The following LIPH variants were observed in gnomAD, a reference collection of about 807,000 sequenced individuals.
LIPH encodes the protein lipase H.
In LIPH, 32 loss-of-function variants were observed where a neutral mutation model predicts 47.6. The ratio of observed to expected loss-of-function variants is 0.67; its 90% CI spans 0.51 to 0.90. The LOEUF is 0.90. Ranked by LOEUF, LIPH falls within the 40% of genes least tolerant of loss-of-function variation. LIPH has a pLI of 0.00. For synonymous variants in LIPH, 190 were observed against 195.6 expected, an observed-to-expected ratio of 0.97 and a Z score of 0.24; for missense variants, 497 against 541.4, an observed-to-expected ratio of 0.92 and a Z score of 0.81.
At position 185,506,803 on chromosome 3, in the gene LIPH, G is replaced by C. The variant is rs1719389388; in HGVS notation, c.*1987C>G. On this transcript the variant is annotated 3_prime_UTR_variant, in exon 10 of 10. Coordinates refer to ENST00000296252, the MANE Select transcript of LIPH (RefSeq NM_139248.3). The stretch of plus-strand genomic sequence containing the variant: ...GCCAAGATCGTGCCACTGCACTCCA[G>C]CCTGGGTAACAGAAGGAGACTCCAT... The C allele has an allele frequency of 8.3e-6, 1 of 121,016 alleles. No homozygotes were observed. The highest frequency in any genetic ancestry group is 1.6e-5 in the Non-Finnish European group (1 of 62,990). The allele number at this position is 121,016 out of a possible 1,614,324, so 7.5% of individuals were successfully genotyped here.
Position 185,515,307 on chromosome 3 carries a change from T to TAA in LIPH, c.983-788_983-787dup, listed in dbSNP as rs1553820561. Among the ~76,000 whole-genome samples, 20 of 145,952 alleles carry TAA rather than the reference T, an allele frequency of 1.4e-4. 1 individual carries two copies. The highest frequency in any genetic ancestry group is 6.5e-4 in the South Asian group (3 of 4,644). On this transcript the variant is annotated intron_variant, in intron 7 of 9. Coordinates refer to ENST00000296252, the MANE Select transcript of LIPH (RefSeq NM_139248.3). ...CTGAATAATGTCTTATGGGTTTTTTTAAAAAAAAAAAAGATAAAATTAAAA... is the reference window on the plus strand; with the variant it reads ...CTGAATAATGTCTTATGGGTTTTTTTAAAAAAAAAAAAAAGATAAAATTAAAA...
At chr3:185,511,145 A>G (rs1198548812) in intron 9 of LIPH, among the ~76,000 whole-genome samples, 1 of 151,634 alleles carries the variant, frequency 6.6e-6, no homozygotes, top group African/African-American at 2.4e-5. Flanking sequence ...TGATCCTCTC[A>G]CCTCAGCCTC....
chr3:185,519,069 T>C, intron 6 of LIPH, 73 bp downstream of exon 6: 2 of 1,292,662 alleles, frequency 1.5e-6, no homozygotes, highest in Non-Finnish European at 1.1e-6. Context: ...TTTTACATGA[T>C]AAAGTGGTTC....
At chr3:185,529,921 A>G (rs1308458677) in intron 3 of LIPH, among the ~76,000 whole-genome samples, 7 of 42,984 alleles carry the variant, frequency 1.6e-4, no homozygotes, top group Non-Finnish European at 3.9e-4. Flanking sequence ...AAAGAAAGAA[A>G]GAAAGAAAGA....
chr3:185,529,124 C>T (rs975938144), intron 3 of LIPH, among the ~76,000 whole-genome samples: 1 of 129,354 alleles, frequency 7.7e-6, no homozygotes, highest in African/African-American at 2.9e-5. Flanking sequence ...TTGCAGTGAG[C>T]CAAGATCGTG....
intron 5 of LIPH, among the ~76,000 whole-genome samples, chr3:185,521,512 A>G (rs1176456603): frequency 6.6e-6 from 1 of 152,224 alleles, no homozygotes; most frequent in Non-Finnish European, 1.5e-5. Context: ...ACAACTGCCA[A>G]AAACTCAAGA....
In LIPH at chr3:185,508,647, G is replaced by T; in HGVS notation, c.*143C>A. On this transcript the variant is annotated 3_prime_UTR_variant, in exon 10 of 10. Coordinates refer to ENST00000296252, the MANE Select transcript of LIPH (RefSeq NM_139248.3). ...ATCACAAGGTTGTTTGATGTACAAT[G>T]TGACATCCATAGGACGCTACTGAAA... 1.4e-6 allele frequency: 1 copy of T among 692,964 alleles called. No individual in the cohort carries two copies. 42.9% of individuals were successfully genotyped at this position (692,964 alleles called of 1,614,324 possible). A position where few individuals can be genotyped will look rare whatever the true frequency, so the allele number is the denominator to read the frequency against.
chr3:185,552,283 G>A (rs1721072851), intron 1 of LIPH, 140 bp downstream of exon 1: 2 of 573,088 alleles, frequency 3.5e-6, no homozygotes, highest in Non-Finnish European at 6.3e-6. Flanking sequence ...AAATGATACA[G>A]GCTTCCTATA....
rs763603519 is a variant in LIPH, at chr3:185,535,152, G to T, written c.50-20C>A. On this transcript the variant is annotated intron_variant, in intron 1 of 9. Transcript: ENST00000296252. ...CTGCGTCTGAAAATAAAAATTAGAT[G>T]GCATCACGACAGGTCTTTCCTTAGC... 19 of 1,612,782 alleles carry T rather than the reference G, an allele frequency of 1.2e-5. No individual in the cohort carries two copies. In the South Asian group the frequency reaches 2.0e-4, roughly 17 times the overall value.
At chr3:185,530,859 C>A (rs1485111294) in intron 3 of LIPH, among the ~76,000 whole-genome samples, 1 of 151,876 alleles carries the variant, frequency 6.6e-6, no homozygotes, top group Non-Finnish European at 1.5e-5. Flanking sequence ...CAAAGTAAGA[C>A]CCTGTCTCAA....
At chr3:185,537,531 A>T (rs572652733) in intron 1 of LIPH, among the ~76,000 whole-genome samples, 1 of 152,140 alleles carries the variant, frequency 6.6e-6, no homozygotes, top group East Asian at 1.9e-4. Context: ...TGTAGAGCAA[A>T]ACCCAGAGCA....
Position 185,517,055 on chromosome 3 carries a change from T to G in LIPH, c.982+12A>C, listed in dbSNP as rs756505201. The G allele has an allele frequency of 6.4e-7, 1 of 1,572,194 alleles. No individual in the cohort carries two copies. The highest frequency in any genetic ancestry group is 8.8e-7 in the Non-Finnish European group (1 of 1,142,000). ...AGTTAGGCAAAAGCCAACAACCACATTCACCACTCACTGCAGAATGGGCTC... is the reference window on the plus strand; with the variant it reads ...AGTTAGGCAAAAGCCAACAACCACAGTCACCACTCACTGCAGAATGGGCTC... On this transcript the variant is annotated intron_variant, in intron 7 of 9. Coordinates refer to ENST00000296252, the MANE Select transcript of LIPH (RefSeq NM_139248.3).
At chr3:185,539,116 G>A (rs1976858) in intron 1 of LIPH, among the ~76,000 whole-genome samples, 27,689 of 151,462 alleles carry the variant, frequency 0.18, 2,882 homozygotes, top group East Asian at 0.43. Flanking sequence ...CTACAGGCGC[G>A]TGCCATCATG....
chr3:185,542,922 C>G (rs1472146236), intron 1 of LIPH, among the ~76,000 whole-genome samples: 2 of 151,712 alleles, frequency 1.3e-5, no homozygotes, highest in Non-Finnish European at 2.9e-5. Context: ...AATAATATAT[C>G]TAGGGCTGGG....
At position 185,541,726 on chromosome 3, in the gene LIPH, G is replaced by T. The variant is rs1301921842; in HGVS notation, c.50-6594C>A. The stretch of plus-strand genomic sequence containing the variant: ...AGCCATATTTGTGGATTTCTTCTTG[G>T]TTTTTGGTGTTTTATTTATTTATTT... On this transcript the variant is annotated intron_variant, in intron 1 of 9. Transcript: ENST00000296252. Among the ~76,000 whole-genome samples, 4 of 148,666 alleles carry T rather than the reference G, an allele frequency of 2.7e-5. No individual in the cohort carries two copies. The East Asian group carries it at 7.9e-4, about 29-fold the overall frequency.
At chr3:185,510,680 G>C (rs1719534438) in intron 9 of LIPH, among the ~76,000 whole-genome samples, 1 of 152,146 alleles carries the variant, frequency 6.6e-6, no homozygotes, top group Non-Finnish European at 1.5e-5. Context: ...AGGAGTTCAA[G>C]ACCAGCCTGG....
chr3:185,551,380 A>G (rs1414620136), intron 1 of LIPH, among the ~76,000 whole-genome samples: 5 of 152,310 alleles, frequency 3.3e-5, no homozygotes, highest in African/African-American at 9.6e-5. Context: ...TGATTTTAAC[A>G]TAGTTGTAAT....
intron 4 of LIPH, among the ~76,000 whole-genome samples, chr3:185,525,467 C>G (rs988974386): frequency 1.3e-5 from 2 of 152,056 alleles, no homozygotes; most frequent in Non-Finnish European, 2.9e-5. Flanking sequence ...CTGGTAAATT[C>G]AGATGAAACA....
intron 3 of LIPH, among the ~76,000 whole-genome samples, chr3:185,529,976 A>AAGAAAGAGAGAG (rs796155621): frequency 2.9e-5 from 3 of 104,882 alleles, no homozygotes; most frequent in Non-Finnish European, 4.2e-5. Flanking sequence ...GAAAGAAAGA[A>AAGAAAGAGAGAG]AGAGAGAGAG....
Sources: gnomAD v4.1 joint callset for allele counts (sites outside exome capture counted in the v4.1 genomes callset) on GRCh38, gnomAD v4.1.1 for gene constraint, MANE v1.5 for transcripts, NCBI Gene and HGNC (gene_info 2026-07-23, HGNC 2026-07-21) for gene names.